The following SIPA1L2 variants were observed in gnomAD, a reference collection of about 807,000 sequenced individuals.
SIPA1L2 encodes the protein signal induced proliferation associated 1 like 2, also known as signal-induced proliferation-associated 1-like protein 2.
SIPA1L2 carries 56 observed loss-of-function variants against 163.9 expected under a neutral mutation model. The ratio of observed to expected loss-of-function variants is 0.34; its 90% confidence interval spans 0.28 to 0.43. The LOEUF is 0.43. SIPA1L2 is among the 20% of genes least tolerant of loss of function. SIPA1L2 has a pLI of 1.00. For synonymous variants in SIPA1L2, 877 were observed against 865.7 expected, an observed-to-expected ratio of 1.01 and a Z score of -0.23; for missense variants, 1,974 against 2,193.5, an observed-to-expected ratio of 0.90 and a Z score of 2.00.
intron 10 of SIPA1L2, among the ~76,000 whole-genome samples, chr1:232,450,950 A>G (rs1013465990): frequency 3.3e-5 from 5 of 152,228 alleles, no homozygotes; most frequent in Non-Finnish European, 7.3e-5. Context: ...GCAGAAAGTC[A>G]TATAGGAAAG....
intron 2 of SIPA1L2, among the ~76,000 whole-genome samples, chr1:232,553,134 G>A (rs980822745): frequency 6.6e-6 from 1 of 152,192 alleles, no homozygotes; most frequent in African/African-American, 2.4e-5. Flanking sequence ...GAGTGGTGGA[G>A]GTGGCTCTCA....
chr1:232,493,704 A>G (rs747180183), intron 3 of SIPA1L2, 44 bp from the exon 4 acceptor site: 17 of 1,610,932 alleles, frequency 1.1e-5, no homozygotes, highest in Non-Finnish European at 1.4e-5. Flanking sequence ...ATGAAAAAGG[A>G]ACAAAGAGCA....
At chr1:232,531,145 AATT>A (rs1305019006) in intron 2 of SIPA1L2, among the ~76,000 whole-genome samples, 1 of 152,180 alleles carries the variant, frequency 6.6e-6, no homozygotes, top group South Asian at 2.1e-4. Context: ...ATATGATAAG[AATT>A]ATTATTATCC....
intron 1 of SIPA1L2, among the ~76,000 whole-genome samples, chr1:232,629,123 A>G (rs146436704): frequency 1.3e-5 from 2 of 152,328 alleles, no homozygotes; most frequent in Non-Finnish European, 1.5e-5. Flanking sequence ...ATGATGACAA[A>G]TATCTCCCAC....
chr1:232,597,447 G>A (rs1014377020), intron 1 of SIPA1L2, among the ~76,000 whole-genome samples: 3 of 151,622 alleles, frequency 2.0e-5, no homozygotes, highest in Admixed American at 2.0e-4. Flanking sequence ...GGAGGCCAAG[G>A]TGGGCGGATC....
chr1:232,454,770 A>G (rs929008777), intron 10 of SIPA1L2, among the ~76,000 whole-genome samples: 2 of 152,204 alleles, frequency 1.3e-5, no homozygotes, highest in Admixed American at 1.3e-4. Context: ...TGAAGTGTAG[A>G]TTATTACTTG....
At chr1:232,466,223 G>C (rs1363323235) in intron 8 of SIPA1L2, among the ~76,000 whole-genome samples, 1 of 152,138 alleles carries the variant, frequency 6.6e-6, no homozygotes, top group African/African-American at 2.4e-5. Flanking sequence ...GTGGGACAGA[G>C]TGATCATACT....
Position 232,448,478 on chromosome 1 carries a change from G to C in SIPA1L2, c.3096-2692C>G, listed in dbSNP as rs187088698. ...AGAACTCCACTGTCAGCATGGTATA[G>C]TAAAAGTTTCAGCCTTTTCAGAAAA... On this transcript the variant is annotated intron_variant, in intron 10 of 22. Coordinates refer to ENST00000674635, the MANE Select transcript of SIPA1L2 (RefSeq NM_020808.5). Among the ~76,000 whole-genome samples the C allele has an allele frequency of 3.3e-5, 5 of 152,328 alleles. No homozygotes were observed. In the South Asian group the frequency reaches 1.0e-3, roughly 32 times the overall value.
intron 3 of SIPA1L2, among the ~76,000 whole-genome samples, chr1:232,511,298 A>G (rs1666969436): frequency 1.3e-5 from 2 of 152,190 alleles, no homozygotes. Flanking sequence ...GAGGAGAGGA[A>G]AGGAGACACA....
At chr1:232,543,428 C>T (rs1358762834) in intron 2 of SIPA1L2, among the ~76,000 whole-genome samples, 1 of 152,186 alleles carries the variant, frequency 6.6e-6, no homozygotes, top group East Asian at 1.9e-4. Flanking sequence ...ACCTTTTCCA[C>T]CTCTGTCACC....
rs529796827 is a variant in SIPA1L2 at position 232,515,419 on chromosome 1, T to C, written c.-80A>G. The C allele has an allele frequency of 1.4e-5, 19 of 1,392,324 alleles. No homozygotes were observed. In the South Asian group the frequency reaches 2.6e-4, roughly 19 times the overall value. The allele number at this position is 1,392,324 out of a possible 1,614,324, so 86.2% of individuals were successfully genotyped here. A position where few individuals can be genotyped will look rare whatever the true frequency, so the allele number is the denominator to read the frequency against. On this transcript the variant is annotated 5_prime_UTR_variant, in exon 3 of 23. Transcript: ENST00000674635. Reference sequence around the variant, plus strand: ...TACATTGCTACCGACCACGCCATAATACTTGCAGATATAAAGGCTTTGTCT... The same window carrying C: ...TACATTGCTACCGACCACGCCATAACACTTGCAGATATAAAGGCTTTGTCT...
intron 2 of SIPA1L2, among the ~76,000 whole-genome samples, chr1:232,569,411 G>C (rs1050053221): frequency 3.3e-5 from 5 of 152,232 alleles, no homozygotes; most frequent in African/African-American, 9.6e-5. Context: ...CACATCTGCT[G>C]TAAGCAGGCA....
intron 1 of SIPA1L2, among the ~76,000 whole-genome samples, chr1:232,582,021 A>C (rs78469260): frequency 0.049 from 7,519 of 152,294 alleles, 830 homozygotes; most frequent in East Asian, 0.48. Context: ...ATATGTCTGC[A>C]ACCTTCAACT....
chr1:232,629,666 G>C (rs1372399802), intron 1 of SIPA1L2, among the ~76,000 whole-genome samples: 1 of 152,186 alleles, frequency 6.6e-6, no homozygotes. Flanking sequence ...GCCGGGGATC[G>C]GGAGCGCGGG....
chr1:232,611,527 T>G (rs1003241459), intron 1 of SIPA1L2, among the ~76,000 whole-genome samples: 1 of 152,104 alleles, frequency 6.6e-6, no homozygotes, highest in African/African-American at 2.4e-5. Context: ...CAAAGGAAGA[T>G]GAGGAACTTG....
intron 2 of SIPA1L2, among the ~76,000 whole-genome samples, chr1:232,563,995 G>A (rs1409380176): frequency 6.3e-5 from 7 of 111,794 alleles, no homozygotes; most frequent in African/African-American, 1.7e-4. Flanking sequence ...GTGTGTGTGT[G>A]TGATGGAGTT....
chr1:232,424,206 AG>A (rs780771007), intron 18 of SIPA1L2, among the ~76,000 whole-genome samples: 50 of 151,620 alleles, frequency 3.3e-4, no homozygotes, highest in Middle Eastern at 6.9e-3. Flanking sequence ...CTTTGAGGGC[AG>A]GGGTTTGTTG....
chr1:232,576,073 GA>G (rs1272769970), intron 1 of SIPA1L2, among the ~76,000 whole-genome samples: 1 of 152,180 alleles, frequency 6.6e-6, no homozygotes, highest in South Asian at 2.1e-4. Context: ...GAAGAGGTCT[GA>G]AAATGGATGA....
intron 15 of SIPA1L2, 46 bp from the exon 16 acceptor site, chr1:232,432,517 C>T: frequency 6.4e-7 from 1 of 1,569,010 alleles, no homozygotes; most frequent in African/African-American, 1.4e-5. Context: ...CTGATTTCAG[C>T]AGTGCTGGCA....
Sources: gnomAD v4.1 joint callset for allele counts (sites outside exome capture counted in the v4.1 genomes callset) on GRCh38, gnomAD v4.1.1 for gene constraint, MANE v1.5 for transcripts, NCBI Gene and HGNC (gene_info 2026-07-23, HGNC 2026-07-21) for gene names.